Variants in CSGALNACT1 observed in about 807,000 individuals in gnomAD.
CSGALNACT1 encodes beta4GalNAcT-1.
A neutral mutation model predicts 51.0 loss-of-function variants in CSGALNACT1; 52 were observed. The ratio of observed to expected loss-of-function variants is 1.02; its 90% confidence interval spans 0.82 to 1.29. The LOEUF is 1.29. Ranked by LOEUF, CSGALNACT1 falls within the 50% of genes most tolerant of loss-of-function variation. The pLI, the probability that CSGALNACT1 is intolerant of heterozygous loss-of-function variation, is 0.00. For missense variants in CSGALNACT1, 935 were observed against 679.2 expected, an observed-to-expected ratio of 1.38 and a Z score of -4.19; for synonymous variants, 341 against 254.4, an observed-to-expected ratio of 1.34 and a Z score of -3.24.
At chr8:19,477,632 A>G (rs531690848) in intron 4 of CSGALNACT1, among the ~76,000 whole-genome samples, 1 of 152,226 alleles carries the variant, frequency 6.6e-6, no homozygotes, top group African/African-American at 2.4e-5. Context: ...TCATATCCCA[A>G]TTAAAAGGAA....
At chr8:19,543,545 G>T (rs917705768) in intron 3 of CSGALNACT1, among the ~76,000 whole-genome samples, 2 of 152,192 alleles carry the variant, frequency 1.3e-5, no homozygotes, top group East Asian at 1.9e-4. Context: ...GCTACACAGA[G>T]AATGCCTAAG....
At chr8:19,657,046 G>C (rs551767500) in intron 1 of CSGALNACT1, among the ~76,000 whole-genome samples, 45 of 138,768 alleles carry the variant, frequency 3.2e-4, no homozygotes, top group African/African-American at 1.1e-3. Context: ...CCAGGCAACA[G>C]AGTAAGACTC....
chr8:19,486,467 C>T (rs1310399935), intron 4 of CSGALNACT1, among the ~76,000 whole-genome samples: 1 of 152,168 alleles, frequency 6.6e-6, no homozygotes, highest in African/African-American at 2.4e-5. Context: ...CATGCCCCTC[C>T]CCTACTTCTC....
intron 3 of CSGALNACT1, among the ~76,000 whole-genome samples, chr8:19,520,145 C>T (rs2080364101): frequency 6.6e-6 from 1 of 152,224 alleles, no homozygotes; most frequent in Non-Finnish European, 1.5e-5. Flanking sequence ...TATGAGCACA[C>T]AAATGAGGGG....
At position 19,645,067 on chromosome 8, in the gene CSGALNACT1, T is replaced by G. The variant is rs143921473; in HGVS notation, c.-544+37406A>C. On this transcript the variant is annotated intron_variant, in intron 1 of 9. Coordinates refer to the CSGALNACT1 transcript ENST00000332246. ...TCATCAAAGTTCAATTCATTAAAAA[T>G]AAAATCATCAATAACCTTGATTTTG... Among the ~76,000 whole-genome samples the G allele has an allele frequency of 5.3e-3, 803 of 152,300 alleles. 7 individuals carry two copies. The highest frequency in any genetic ancestry group is 0.018 in the African/African-American group (760 of 41,572).
intron 1 of CSGALNACT1, among the ~76,000 whole-genome samples, chr8:19,707,031 G>C (rs1042474141): frequency 2.6e-5 from 4 of 152,034 alleles, no homozygotes; most frequent in Non-Finnish European, 2.9e-5. Context: ...GGGGGAAGGA[G>C]AGAGGCCGGG....
In CSGALNACT1 at chr8:19,570,419, C is replaced by T. The variant is rs1236496836; in HGVS notation, c.-297+20741G>A. Among the ~76,000 whole-genome samples the T allele has an allele frequency of 2.0e-5, 3 of 152,112 alleles. No individual in the cohort carries two copies. The South Asian group carries it at 6.2e-4, about 32-fold the overall frequency. ...TCTCCCCCTACAAAGGTACAGAAGC[C>T]ATTCCAGCTGTCTCAATAGTACACT... On this transcript the variant is annotated intron_variant, in intron 3 of 9. Coordinates refer to ENST00000454498, the Ensembl canonical transcript of CSGALNACT1.
intron 1 of CSGALNACT1, among the ~76,000 whole-genome samples, chr8:19,708,292 C>T (rs180923540): frequency 6.6e-6 from 1 of 152,310 alleles, no homozygotes; most frequent in East Asian, 1.9e-4. Context: ...AGACTCAGCA[C>T]CTAGGAGCCC....
At chr8:19,711,655 C>T (rs1256542374) in intron 1 of CSGALNACT1, among the ~76,000 whole-genome samples, 1 of 152,194 alleles carries the variant, frequency 6.6e-6, no homozygotes, top group African/African-American at 2.4e-5. Flanking sequence ...AAAAGCCTAA[C>T]ACCTGGCAGA....
intron 4 of CSGALNACT1, among the ~76,000 whole-genome samples, chr8:19,470,963 G>A (rs990806854): frequency 6.6e-6 from 1 of 152,072 alleles, no homozygotes; most frequent in African/African-American, 2.4e-5. Flanking sequence ...GGGCGTGGTG[G>A]TGGGTACCCA....
At chr8:19,750,544 T>A (rs972896211) in intron 1 of CSGALNACT1, among the ~76,000 whole-genome samples, 1 of 152,176 alleles carries the variant, frequency 6.6e-6, no homozygotes, top group Non-Finnish European at 1.5e-5. Flanking sequence ...TACCTTTCGT[T>A]TAATTCTTGC....
rs554579157 is a variant in CSGALNACT1, at chr8:19,458,285, CTT to C, written c.851+139_851+140del. On this transcript the variant is annotated intron_variant, in intron 5 of 9. Transcript: ENST00000454498. ...GGGAAAGGCAAATACAAATGATAAA[CTT>C]TACGTGGAGAAAACAGAGCTGAATA... The C allele has an allele frequency of 2.2e-4, 184 of 837,730 alleles. 1 individual carries two copies. In the African/African-American group the frequency reaches 2.5e-3, roughly 11 times the overall value. 51.9% of individuals were successfully genotyped at this position (837,730 alleles called of 1,614,324 possible). A position where few individuals can be genotyped will look rare whatever the true frequency, so the allele number is the denominator to read the frequency against.
At chr8:19,566,221 G>C (rs1231484395) in intron 3 of CSGALNACT1, among the ~76,000 whole-genome samples, 1 of 152,158 alleles carries the variant, frequency 6.6e-6, no homozygotes, top group Admixed American at 6.5e-5. Context: ...GTAAGAGAGA[G>C]GCAGAGGGAG....
At chr8:19,490,059 C>T (rs977170566) in intron 4 of CSGALNACT1, among the ~76,000 whole-genome samples, 2 of 152,108 alleles carry the variant, frequency 1.3e-5, no homozygotes, top group African/African-American at 4.8e-5. Context: ...TTTTGATGGC[C>T]CCCAAATATT....
chr8:19,671,836 A>G (rs2059817489), intron 1 of CSGALNACT1, among the ~76,000 whole-genome samples: 1 of 152,096 alleles, frequency 6.6e-6, no homozygotes, highest in African/African-American at 2.4e-5. Flanking sequence ...CTTTTTTCCC[A>G]CTTATTATAT....
rs910221473 is a variant in CSGALNACT1, at chr8:19,715,194, T to G, written c.-297+42656A>C. The stretch of plus-strand genomic sequence containing the variant: ...AACCATCAGATCTCGTGAGACTTAT[T>G]CACTACCACGAGAACAGTATGGGGG... On this transcript the variant is annotated intron_variant, in intron 1 of 1. Transcript: ENST00000517494. Among the ~76,000 whole-genome samples the G allele has an allele frequency of 2.6e-5, 4 of 152,180 alleles. No homozygotes were observed. The East Asian group carries it at 7.7e-4, about 29-fold the overall frequency.
Position 19,488,370 on chromosome 8 carries a change from CATATATATATATATATATATATATAT to C in CSGALNACT1, c.634+16805_634+16830del, listed in dbSNP as rs56988602. On this transcript the variant is annotated intron_variant, in intron 4 of 9. Coordinates refer to ENST00000454498, the Ensembl canonical transcript of CSGALNACT1. ...ATCTCATTATATATATTTATATATA[CATATATATATATATATATATATATAT>C]ATATATATATATATATATAGTTAGA... is the stretch of plus-strand genomic sequence containing the variant. 1.7e-3 allele frequency among the ~76,000 whole-genome samples: 195 copies of C among 114,468 alleles called. 2 individuals carry two copies. The highest frequency in any genetic ancestry group is 4.8e-3 in the Middle Eastern group (1 of 208). 75.1% of individuals were successfully genotyped at this position (114,468 alleles called of 152,430 possible).
At chr8:19,607,394 T>G (rs142875992), upstream of CSGALNACT1, among the ~76,000 whole-genome samples, 229 of 152,306 alleles carry the variant, frequency 1.5e-3, 2 homozygotes, top group African/African-American at 5.3e-3. Context: ...GTAAATTGCT[T>G]CTGTTTGTCA....
intron 3 of CSGALNACT1, among the ~76,000 whole-genome samples, chr8:19,521,195 A>G (rs1563876457): frequency 6.6e-6 from 1 of 152,156 alleles, no homozygotes; most frequent in East Asian, 1.9e-4. Flanking sequence ...GACTCACACG[A>G]TCAGAATTGA....
Sources: gnomAD v4.1 joint callset for allele counts (sites outside exome capture counted in the v4.1 genomes callset) on GRCh38, gnomAD v4.1.1 for gene constraint, MANE v1.5 for transcripts, NCBI Gene and HGNC (gene_info 2026-07-23, HGNC 2026-07-21) for gene names.